The following DIAPH2 variants were observed in gnomAD, a reference collection of about 807,000 sequenced individuals.
DIAPH2 encodes the protein diaphanous related formin 2, also known as protein diaphanous homolog 2.
DIAPH2 carries 35 observed loss-of-function variants against 92.7 expected under a neutral mutation model. The observed-to-expected ratio is 0.38, with a 90% CI of 0.29 to 0.50. DIAPH2 has a LOEUF of 0.50. DIAPH2 is among the 20% of genes least tolerant of loss of function. The pLI is 0.94. For missense variants in DIAPH2, 701 were observed against 819.5 expected (o/e 0.86, Z 1.77); for synonymous variants, 301 against 280.4 (o/e 1.07, Z -0.73).
intron 22 of DIAPH2, among the ~76,000 whole-genome samples, chrX:97,226,930 G>A (rs1250649485): frequency 9.0e-6 from 1 of 111,284 alleles, no homozygotes; most frequent in Non-Finnish European, 1.9e-5. Context: ...GACAAAACAT[G>A]TTAGCTATTC....
chrX:97,113,802 A>G (rs1250708033), intron 20 of DIAPH2, among the ~76,000 whole-genome samples: 1 of 111,961 alleles, frequency 8.9e-6, no homozygotes, highest in Non-Finnish European at 1.9e-5. Context: ...AGTAGGCTAT[A>G]TATACAAAAC....
intron 26 of DIAPH2, among the ~76,000 whole-genome samples, chrX:97,455,710 A>G (rs1394800471): frequency 8.9e-6 from 1 of 112,376 alleles, no homozygotes; most frequent in African/African-American, 3.2e-5. Context: ...TATAGTAAAA[A>G]TAAATTCACT....
At chrX:96,979,983 G>A (rs191314823) in intron 17 of DIAPH2, among the ~76,000 whole-genome samples, 56 of 111,065 alleles carry the variant, frequency 5.0e-4, no homozygotes, top group African/African-American at 1.8e-3. Context: ...AGTGTCAGCA[G>A]AAGCAAAACT....
chrX:96,710,645 C>T (rs752237393), intron 1 of DIAPH2, among the ~76,000 whole-genome samples: 2 of 111,078 alleles, frequency 1.8e-5, no homozygotes, highest in Non-Finnish European at 3.8e-5. Context: ...TAATACTCCT[C>T]CATAATAGCA....
At chrX:97,138,900 C>T (rs1232483064) in intron 21 of DIAPH2, among the ~76,000 whole-genome samples, 4 of 111,227 alleles carry the variant, frequency 3.6e-5, no homozygotes. Context: ...AATATAACCA[C>T]CACTAAGACT....
chrX:97,132,399 T>C (rs1264814392), intron 21 of DIAPH2, among the ~76,000 whole-genome samples: 1 of 111,780 alleles, frequency 8.9e-6, no homozygotes, highest in East Asian at 2.8e-4. Context: ...TGGGAAAACA[T>C]GTATTAAACC....
chrX:97,348,085 T>A, intron 23 of DIAPH2, 31 bp from the exon 24 acceptor site: 1 of 1,198,915 alleles, frequency 8.3e-7, no homozygotes, highest in Non-Finnish European at 1.1e-6. Context: ...TAAAAGGTAC[T>A]GTTGAGCCAT....
chrX:97,369,912 T>C (rs958778010), intron 24 of DIAPH2, among the ~76,000 whole-genome samples: 12 of 111,786 alleles, frequency 1.1e-4, no homozygotes, highest in Admixed American at 1.0e-3. Flanking sequence ...TTCTCAATGA[T>C]TGAAAATAAT....
At chrX:97,125,969 C>G (rs1025039571) in intron 21 of DIAPH2, among the ~76,000 whole-genome samples, 7 of 111,764 alleles carry the variant, frequency 6.3e-5, no homozygotes, top group African/African-American at 2.3e-4. Context: ...ATTTATGGAA[C>G]TAGCTGTAGG....
intron 23 of DIAPH2, among the ~76,000 whole-genome samples, chrX:97,330,375 T>G (rs763282935): frequency 9.0e-6 from 1 of 110,811 alleles, no homozygotes; most frequent in Admixed American, 9.7e-5. Context: ...TACTCTCTGT[T>G]TCTATGAGTT....
intron 4 of DIAPH2, among the ~76,000 whole-genome samples, chrX:96,775,914 A>G (rs12009913): frequency 3.6e-3 from 407 of 111,811 alleles, no homozygotes; most frequent in Non-Finnish European, 5.9e-3. Flanking sequence ...AATTCCTAAT[A>G]TATATATTTT....
At chrX:97,097,080 T>C (rs1016340384) in intron 19 of DIAPH2, among the ~76,000 whole-genome samples, 1 of 111,496 alleles carries the variant, frequency 9.0e-6, no homozygotes, top group Non-Finnish European at 1.9e-5. Flanking sequence ...ATGAGTACCA[T>C]TACATCTCTC....
At chrX:97,552,888 T>G (rs1175279039) in intron 26 of DIAPH2, among the ~76,000 whole-genome samples, 1 of 110,991 alleles carries the variant, frequency 9.0e-6, no homozygotes, top group Non-Finnish European at 1.9e-5. Context: ...AATCAAAGAG[T>G]CAGCAGGTTT....
At chrX:96,749,465 C>T (rs1411853074) in intron 3 of DIAPH2, among the ~76,000 whole-genome samples, 1 of 110,435 alleles carries the variant, frequency 9.1e-6, no homozygotes, top group African/African-American at 3.3e-5. Flanking sequence ...TTTAATTTCT[C>T]TCATAATTGA....
chrX:96,933,213 A>C (rs1238640580), intron 10 of DIAPH2, among the ~76,000 whole-genome samples: 1 of 110,483 alleles, frequency 9.1e-6, no homozygotes, highest in East Asian at 2.8e-4. Flanking sequence ...TAGGGCAGAC[A>C]TATTTGGTTG....
intron 23 of DIAPH2, among the ~76,000 whole-genome samples, chrX:97,309,622 T>C (rs1435094130): frequency 1.8e-5 from 2 of 111,912 alleles, no homozygotes; most frequent in Non-Finnish European, 3.8e-5. Context: ...TTTCAAGAAC[T>C]GTGTTTCTCT....
chrX:97,469,692 A>C (rs774434846), intron 26 of DIAPH2: 2 of 1,205,462 alleles, frequency 1.7e-6, no homozygotes, highest in Non-Finnish European at 2.2e-6. Flanking sequence ...TCTTTTCTGC[A>C]GTGGTAAATC....
chrX:97,317,110 G>A (rs1602502150), intron 23 of DIAPH2, among the ~76,000 whole-genome samples: 1 of 112,236 alleles, frequency 8.9e-6, no homozygotes, highest in South Asian at 3.7e-4. Flanking sequence ...GGATTACTGA[G>A]TCCATTCTGT....
chrX:97,032,343 A>G (rs1330521686), intron 17 of DIAPH2, among the ~76,000 whole-genome samples: 2 of 111,279 alleles, frequency 1.8e-5, no homozygotes, highest in Non-Finnish European at 3.8e-5. Flanking sequence ...CATATTCTAT[A>G]TAGAGAAAAA....
Sources: gnomAD v4.1 joint callset for allele counts (sites outside exome capture counted in the v4.1 genomes callset) on GRCh38, gnomAD v4.1.1 for gene constraint, MANE v1.5 for transcripts, NCBI Gene and HGNC (gene_info 2026-07-23, HGNC 2026-07-21) for gene names.